ERC2: variants seen among roughly 807,000 people sequenced by gnomAD.
ERC2 encodes ELKS/RAB6-interacting/CAST family member 2.
In ERC2, 42 loss-of-function variants were observed where a neutral mutation model predicts 114.8. The ratio of observed to expected loss-of-function variants is 0.37; its 90% CI spans 0.29 to 0.47. The LOEUF (loss-of-function observed/expected upper bound fraction) is 0.47, where lower values mean the gene tolerates loss of function less well. ERC2 is among the 20% of genes least tolerant of loss of function. The pLI, the probability that ERC2 is intolerant of heterozygous loss-of-function variation, is 0.99. For synonymous variants in ERC2, 454 were observed against 425.5 expected (o/e 1.07, Z -0.82); for missense variants, 939 against 1,150.7 (o/e 0.82, Z 2.66).
chr3:56,364,931 T>C (rs1220782867), intron 2 of ERC2, among the ~76,000 whole-genome samples: 5 of 152,192 alleles, frequency 3.3e-5, no homozygotes, highest in Non-Finnish European at 2.9e-5. Flanking sequence ...AACCAGGGAC[T>C]CTGCAGGAAG....
At chr3:55,538,863 A>G (rs185095952) in intron 17 of ERC2, among the ~76,000 whole-genome samples, 89 of 152,294 alleles carry the variant, frequency 5.8e-4, no homozygotes, top group African/African-American at 2.1e-3. Context: ...CGCTTCCTCT[A>G]TCCCTCTATC....
At chr3:55,672,846 A>C (rs922374947) in intron 17 of ERC2, among the ~76,000 whole-genome samples, 1 of 152,190 alleles carries the variant, frequency 6.6e-6, no homozygotes, top group Non-Finnish European at 1.5e-5. Flanking sequence ...AAGCTCCTGC[A>C]GGCTTCGGGG....
chr3:55,631,958 T>C (rs960147026), intron 17 of ERC2, among the ~76,000 whole-genome samples: 5 of 152,232 alleles, frequency 3.3e-5, no homozygotes, highest in African/African-American at 1.2e-4. Context: ...CTGGAACATA[T>C]GCAGAAACTG....
intron 2 of ERC2, among the ~76,000 whole-genome samples, chr3:56,406,226 A>G (rs1321081649): frequency 2.0e-5 from 3 of 152,104 alleles, no homozygotes; most frequent in Admixed American, 6.5e-5. Context: ...TTTGATATAC[A>G]TTTGCCAATT....
intron 3 of ERC2, among the ~76,000 whole-genome samples, chr3:56,277,026 C>G (rs756854408): frequency 1.3e-5 from 2 of 152,178 alleles, no homozygotes; most frequent in Non-Finnish European, 2.9e-5. Flanking sequence ...TTTGCCTCAT[C>G]CCTAGGGACC....
chr3:56,082,243 A>C (rs1228751740), intron 6 of ERC2, among the ~76,000 whole-genome samples: 1 of 152,150 alleles, frequency 6.6e-6, no homozygotes, highest in East Asian at 1.9e-4. Flanking sequence ...TTAGGTCATG[A>C]GGGCAAAGTG....
chr3:56,033,050 A>AAC (rs1553782373), intron 7 of ERC2, among the ~76,000 whole-genome samples: 2,132 of 105,690 alleles, frequency 0.02, 45 homozygotes, highest in Non-Finnish European at 0.031. Flanking sequence ...GAAAGAAAGA[A>AAC]AGAAAGAAAG....
chr3:55,931,867 T>C (rs77075001), intron 13 of ERC2, among the ~76,000 whole-genome samples: 4,528 of 152,290 alleles, frequency 0.03, 132 homozygotes, highest in African/African-American at 0.071. Context: ...AAGGTGTTCA[T>C]CTTATAAAAA....
chr3:55,588,534 G>A (rs543180035), intron 17 of ERC2, among the ~76,000 whole-genome samples: 5 of 152,170 alleles, frequency 3.3e-5, no homozygotes, highest in African/African-American at 1.2e-4. Context: ...TCGGCCTGAT[G>A]AATCAATTCC....
chr3:55,583,457 C>A (rs1470226795), intron 17 of ERC2, among the ~76,000 whole-genome samples: 7 of 71,384 alleles, frequency 9.8e-5, no homozygotes, highest in Non-Finnish European at 1.6e-4. Context: ...CTCCCTCCTT[C>A]CCCTCTCTCC....
intron 14 of ERC2, among the ~76,000 whole-genome samples, chr3:55,868,934 C>T (rs1300398689): frequency 6.6e-6 from 1 of 152,022 alleles, no homozygotes; most frequent in Non-Finnish European, 1.5e-5. Flanking sequence ...TAATATTTTC[C>T]AGGCTCAAGA....
At chr3:56,209,233 T>A (rs2048917280) in intron 3 of ERC2, among the ~76,000 whole-genome samples, 1 of 152,112 alleles carries the variant, frequency 6.6e-6, no homozygotes, top group South Asian at 2.1e-4. Context: ...TTGTCTTGAA[T>A]CTGCACCCCT....
intron 2 of ERC2, among the ~76,000 whole-genome samples, chr3:56,343,531 T>C (rs1056445949): frequency 2.0e-5 from 3 of 152,000 alleles, no homozygotes; most frequent in Admixed American, 2.0e-4. Flanking sequence ...AGCAGGAGGA[T>C]CTCTTGAGCC....
In ERC2 at chr3:55,701,471, C is replaced by G. The variant is rs376599584; in HGVS notation, c.2713-1959G>C. Among the ~76,000 whole-genome samples, 35 of 152,094 alleles carry G rather than the reference C, an allele frequency of 2.3e-4. No homozygotes were observed. In the East Asian group the frequency reaches 5.8e-3, roughly 25 times the overall value. On this transcript the variant is annotated intron_variant, in intron 15 of 17. Coordinates refer to ENST00000288221, the MANE Select transcript of ERC2 (RefSeq NM_015576.3). ...ACACCTCACATCCCAATTCTATCTGCCAGAGGATGTCTTATGATTTACTCA... is the reference window on the plus strand; with the variant it reads ...ACACCTCACATCCCAATTCTATCTGGCAGAGGATGTCTTATGATTTACTCA...
chr3:56,245,894 T>C (rs1006261648), intron 3 of ERC2, among the ~76,000 whole-genome samples: 2 of 152,094 alleles, frequency 1.3e-5, no homozygotes, highest in African/African-American at 4.8e-5. Context: ...AATGCTCCTT[T>C]ATGAGATAGC....
At chr3:55,873,150 A>C (rs2062663905) in intron 14 of ERC2, among the ~76,000 whole-genome samples, 3 of 152,184 alleles carry the variant, frequency 2.0e-5, no homozygotes, top group Admixed American at 2.0e-4. Flanking sequence ...ATTCCCCCAC[A>C]GCTCTCCTGC....
At chr3:55,833,902 A>G (rs1239248223) in intron 14 of ERC2, among the ~76,000 whole-genome samples, 4 of 150,840 alleles carry the variant, frequency 2.7e-5, no homozygotes, top group Non-Finnish European at 5.9e-5. Flanking sequence ...TCAAAATAAA[A>G]GGATGGAGGA....
chr3:55,950,119 A>G (rs931870746), intron 13 of ERC2, among the ~76,000 whole-genome samples: 15 of 152,210 alleles, frequency 9.9e-5, no homozygotes, highest in Non-Finnish European at 1.8e-4. Context: ...GAAAAGGAAG[A>G]CATTTCTATG....
chr3:56,367,737 A>G (rs1412030685), intron 2 of ERC2, among the ~76,000 whole-genome samples: 2 of 152,178 alleles, frequency 1.3e-5, no homozygotes, highest in African/African-American at 2.4e-5. Context: ...AGCTGCAAAC[A>G]TTGATTGGAA....
Sources: allele counts gnomAD v4.1 joint callset (sites outside exome capture counted in the v4.1 genomes callset), GRCh38; gene constraint gnomAD v4.1.1; transcripts MANE v1.5; gene names NCBI Gene and HGNC (gene_info 2026-07-23, HGNC 2026-07-21).